Variants in TINAG observed in about 807,000 individuals in gnomAD.
TINAG encodes the protein tubulointerstitial nephritis antigen.
TINAG carries 83 observed loss-of-function variants against 72.7 expected under a neutral mutation model. The observed-to-expected ratio is 1.14, with a 90% CI of 0.96 to 1.37. TINAG has a LOEUF of 1.37. TINAG is among the 40% of genes most tolerant of loss of function. The pLI, the probability that TINAG is intolerant of heterozygous loss-of-function variation, is 0.00. For synonymous variants in TINAG, 234 were observed against 189.9 expected (o/e 1.23, Z -1.91); for missense variants, 685 against 576.6 (o/e 1.19, Z -1.93).
At chr6:54,379,147 G>A (rs1763870478) in intron 9 of TINAG, among the ~76,000 whole-genome samples, 1 of 152,108 alleles carries the variant, frequency 6.6e-6, no homozygotes, top group African/African-American at 2.4e-5. Context: ...ATTAGGTTTA[G>A]GTTAATGTGG....
At chr6:54,388,801 T>C (rs1323268988) in intron 10 of TINAG, among the ~76,000 whole-genome samples, 1 of 152,138 alleles carries the variant, frequency 6.6e-6, no homozygotes, top group East Asian at 1.9e-4. Flanking sequence ...TTTTGCATTT[T>C]AGAAAGAGGA....
chr6:54,321,795 T>C (rs1017516642), intron 3 of TINAG, among the ~76,000 whole-genome samples: 3 of 152,216 alleles, frequency 2.0e-5, no homozygotes, highest in Non-Finnish European at 4.4e-5. Flanking sequence ...ACAAGGATGA[T>C]ATTCAAATAA....
intron 9 of TINAG, among the ~76,000 whole-genome samples, chr6:54,372,959 G>T (rs1436755130): frequency 6.6e-6 from 1 of 151,836 alleles, no homozygotes; most frequent in Non-Finnish European, 1.5e-5. Flanking sequence ...AAAGGAAAGG[G>T]CTACAGAAAA....
intron 4 of TINAG, 118 bp downstream of exon 4, chr6:54,327,034 T>C (rs1248979197): frequency 6.5e-7 from 1 of 1,546,014 alleles, no homozygotes; most frequent in African/African-American, 1.4e-5. Context: ...GTCATAATTT[T>C]GTCACATAAA....
At chr6:54,348,335 C>T (rs1267801675) in intron 6 of TINAG, among the ~76,000 whole-genome samples, 1 of 152,068 alleles carries the variant, frequency 6.6e-6, no homozygotes, top group Non-Finnish European at 1.5e-5. Flanking sequence ...TGTACTAGTG[C>T]TTGGTTGGCT....
chr6:54,389,903 T>C lies in TINAG; in HGVS notation c.1409T>C (p.Leu470Pro), dbSNP rs770768554. Residue 470 changes from leucine to proline, a missense_variant, in exon 11 of 11, where the codon CTG (leucine) becomes CCG (proline). By Grantham distance (98) the Leu-to-Pro change is moderately conservative (BLOSUM62 -3). Transcript: ENST00000259782. Reference protein sequence around the residue: ...EKLIIAAWGQLTSSDEP With the variant: ...EKLIIAAWGQPTSSDEP ...TTGATTATCGCAGCTTGGGGCCAAC[T>C]GACGAGTTCTGATGAACCATAACAT... The C allele has an allele frequency of 1.2e-6, 2 of 1,611,728 alleles. No homozygotes were observed. The highest frequency in any genetic ancestry group is 1.7e-4 in the Middle Eastern group (1 of 6,048).
At chr6:54,354,117 A>G (rs12205456) in intron 8 of TINAG, among the ~76,000 whole-genome samples, 22,411 of 151,830 alleles carry the variant, frequency 0.15, 1,824 homozygotes, top group Non-Finnish European at 0.18. Flanking sequence ...CTTTAAGCTC[A>G]GTTTGCTAGG....
intron 9 of TINAG, chr6:54,365,234 G>A (rs1763372078): frequency 6.6e-6 from 1 of 151,536 alleles, no homozygotes; most frequent in South Asian, 2.1e-4. Context: ...TTTAATTCGG[G>A]TGTTAGAATG....
At chr6:54,352,892 T>C (rs1033818750) in intron 8 of TINAG, among the ~76,000 whole-genome samples, 4 of 151,790 alleles carry the variant, frequency 2.6e-5, no homozygotes, top group Non-Finnish European at 5.9e-5. Flanking sequence ...ACATAACATT[T>C]CAAAGCAATA....
At chr6:54,342,032 A>C (rs1324895303) in intron 4 of TINAG, among the ~76,000 whole-genome samples, 1 of 152,110 alleles carries the variant, frequency 6.6e-6, no homozygotes, top group Admixed American at 6.5e-5. Context: ...AACACTTTCA[A>C]AACTTGAAAG....
At chr6:54,310,415 G>A (rs1274128379) in intron 1 of TINAG, among the ~76,000 whole-genome samples, 1 of 150,300 alleles carries the variant, frequency 6.7e-6, no homozygotes, top group Non-Finnish European at 1.5e-5. Flanking sequence ...CCTCTGTTTT[G>A]TTTTTCTTTC....
intron 10 of TINAG, among the ~76,000 whole-genome samples, chr6:54,382,498 T>C (rs1299907532): frequency 2.0e-5 from 3 of 152,242 alleles, no homozygotes; most frequent in East Asian, 3.9e-4. Context: ...ACTAGTGGTT[T>C]AATTAAAATA....
rs114920973 is a variant in TINAG, at chr6:54,361,099, C to T, written c.1250+6463C>T. Among the ~76,000 whole-genome samples the T allele has an allele frequency of 2.9e-3, 434 of 151,058 alleles. 2 individuals are homozygous for T. The highest frequency in any genetic ancestry group is 0.01 in the African/African-American group (415 of 41,274). ...AACAGCACCCATATAAGATGGCAAACTTGATTGTTAAATATTGTGTATGTT... is the reference window on the plus strand; with the variant it reads ...AACAGCACCCATATAAGATGGCAAATTTGATTGTTAAATATTGTGTATGTT... On this transcript the variant is annotated intron_variant, in intron 9 of 10. Transcript: ENST00000259782.
chr6:54,337,673 A>G (rs1328101877), intron 4 of TINAG, among the ~76,000 whole-genome samples: 1 of 152,224 alleles, frequency 6.6e-6, no homozygotes, highest in Non-Finnish European at 1.5e-5. Context: ...CAAAACGTTC[A>G]GTATAAAAGG....
chr6:54,317,292 A>G (rs1363735152), intron 1 of TINAG, among the ~76,000 whole-genome samples: 1 of 151,084 alleles, frequency 6.6e-6, no homozygotes, highest in Non-Finnish European at 1.5e-5. Context: ...TCTCCTGGTG[A>G]TATGGTTTGG....
chr6:54,325,982 G>A (rs1784593620), intron 3 of TINAG, among the ~76,000 whole-genome samples: 1 of 152,064 alleles, frequency 6.6e-6, no homozygotes, highest in Non-Finnish European at 1.5e-5. Context: ...TAGCAGGACA[G>A]GGTTTAAATT....
chr6:54,361,703 G>A (rs183209204), intron 9 of TINAG, among the ~76,000 whole-genome samples: 1 of 151,812 alleles, frequency 6.6e-6, no homozygotes, highest in East Asian at 1.9e-4. Flanking sequence ...AGGAAGACAT[G>A]TTGTTGGAGA....
At chr6:54,312,475 A>G (rs530781124) in intron 1 of TINAG, among the ~76,000 whole-genome samples, 1 of 152,328 alleles carries the variant, frequency 6.6e-6, no homozygotes, top group East Asian at 1.9e-4. Context: ...CAAAGTAAAC[A>G]TCATACATAA....
chr6:54,312,419 A>G (rs903306883), intron 1 of TINAG, among the ~76,000 whole-genome samples: 4 of 152,180 alleles, frequency 2.6e-5, no homozygotes, highest in Non-Finnish European at 5.9e-5. Context: ...TATTAGAAAC[A>G]AAAATGTATT....
Sources: allele counts gnomAD v4.1 joint callset (sites outside exome capture counted in the v4.1 genomes callset), GRCh38; gene constraint gnomAD v4.1.1; transcripts MANE v1.5; gene names NCBI Gene and HGNC (gene_info 2026-07-23, HGNC 2026-07-21).